Variants in BTBD10 observed in about 807,000 individuals in gnomAD.
BTBD10 encodes the protein BTB domain containing 10.
BTBD10 carries 21 observed loss-of-function variants against 53.2 expected under a neutral mutation model. The observed-to-expected ratio is 0.39, with a 90% CI of 0.28 to 0.57. The LOEUF is 0.57. Among genes scored for constraint, BTBD10 ranks in the 20% least tolerant of loss-of-function variants. BTBD10 has a pLI of 0.53. For missense variants in BTBD10, 360 were observed against 594.7 expected, an observed-to-expected ratio of 0.61 and a Z score of 4.10; for synonymous variants, 149 against 192.7, an observed-to-expected ratio of 0.77 and a Z score of 1.88.
rs550953919 is a variant in BTBD10, at chr11:13,403,619, G to A, written c.1007-341C>T. On this transcript the variant is annotated intron_variant, in intron 7 of 8. Transcript: ENST00000278174. ...AGAATCCAAAGAAGATATCAATATC[G>A]CATCATTATCAAGCAAAGTAAAGGA... Among the ~76,000 whole-genome samples the A allele has an allele frequency of 4.6e-5, 7 of 152,240 alleles. No homozygotes were observed. The East Asian group carries it at 7.7e-4, about 17-fold the overall frequency.
chr11:13,440,598 C>T (rs1320671763), intron 2 of BTBD10, among the ~76,000 whole-genome samples: 2 of 152,164 alleles, frequency 1.3e-5, no homozygotes, highest in African/African-American at 2.4e-5. Flanking sequence ...CAAACTTTTG[C>T]ATTTCTAAAC....
intron 2 of BTBD10, among the ~76,000 whole-genome samples, chr11:13,426,532 G>A (rs1449436065): frequency 6.6e-6 from 1 of 151,956 alleles, no homozygotes; most frequent in Non-Finnish European, 1.5e-5. Flanking sequence ...AATATAATAT[G>A]GGGTTTATAA....
intron 2 of BTBD10, among the ~76,000 whole-genome samples, chr11:13,433,298 A>G (rs1170761144): frequency 1.3e-5 from 2 of 152,196 alleles, no homozygotes; most frequent in Non-Finnish European, 2.9e-5. Context: ...CTTTGCTTAT[A>G]GGCCATAGGC....
intron 8 of BTBD10, among the ~76,000 whole-genome samples, chr11:13,396,039 T>C (rs1024906024): frequency 1.3e-5 from 2 of 151,452 alleles, no homozygotes; most frequent in Non-Finnish European, 3.0e-5. Context: ...TTTGGTTCCA[T>C]ATGAACTTTA....
chr11:13,449,370 T>TC (rs760125348), intron 1 of BTBD10, among the ~76,000 whole-genome samples: 1 of 152,074 alleles, frequency 6.6e-6, no homozygotes, highest in Non-Finnish European at 1.5e-5. Flanking sequence ...CTGTTTCATA[T>TC]ATGAGGAAAT....
chr11:13,414,486 T>C (rs1010234400), intron 5 of BTBD10, among the ~76,000 whole-genome samples: 2 of 151,986 alleles, frequency 1.3e-5, no homozygotes, highest in Admixed American at 6.5e-5. Context: ...AAACCTTCTC[T>C]ACTAAGAATA....
At chr11:13,397,255 C>G (rs958878369) in intron 8 of BTBD10, among the ~76,000 whole-genome samples, 6 of 152,128 alleles carry the variant, frequency 3.9e-5, no homozygotes, top group Non-Finnish European at 7.3e-5. Context: ...CAACTTCTTC[C>G]TGGTTTAGTC....
intron 4 of BTBD10, 60 bp downstream of exon 4, chr11:13,419,400 A>C (rs1950195051): frequency 1.3e-6 from 2 of 1,561,544 alleles, no homozygotes; most frequent in African/African-American, 2.8e-5. Context: ...TTAAACAAAA[A>C]AATAATGGCA....
At chr11:13,433,807 A>G (rs1460962424) in intron 2 of BTBD10, among the ~76,000 whole-genome samples, 2 of 152,180 alleles carry the variant, frequency 1.3e-5, no homozygotes, top group Non-Finnish European at 2.9e-5. Flanking sequence ...AAGTTTGCTG[A>G]CCCCTGTATT....
chr11:13,412,623 T>A (rs1489658262), intron 6 of BTBD10, among the ~76,000 whole-genome samples: 1 of 152,222 alleles, frequency 6.6e-6, no homozygotes, highest in Non-Finnish European at 1.5e-5. Context: ...ATTTTTTGTA[T>A]TACCATGTAG....
chr11:13,416,045 A>G (rs1337854166), intron 5 of BTBD10, among the ~76,000 whole-genome samples: 1 of 152,074 alleles, frequency 6.6e-6, no homozygotes, highest in African/African-American at 2.4e-5. Context: ...AAAACCTCAA[A>G]AAAAAGTTTT....
At chr11:13,426,278 C>T (rs554604515) in intron 2 of BTBD10, among the ~76,000 whole-genome samples, 2 of 151,008 alleles carry the variant, frequency 1.3e-5, no homozygotes, top group African/African-American at 4.9e-5. Context: ...ATTGATTTGT[C>T]GAAAAAAAAT....
intron 2 of BTBD10, among the ~76,000 whole-genome samples, 199 bp from the exon 3 acceptor site, chr11:13,422,037 C>T (rs1228563094): frequency 2.0e-5 from 3 of 152,174 alleles, no homozygotes; most frequent in African/African-American, 7.2e-5. Context: ...AGATCACATA[C>T]TTGAACTCAG....
intron 2 of BTBD10, among the ~76,000 whole-genome samples, chr11:13,436,747 G>C (rs1199869837): frequency 6.6e-6 from 1 of 151,944 alleles, no homozygotes; most frequent in Non-Finnish European, 1.5e-5. Context: ...CTCTTATTAT[G>C]ACATTCCTTA....
At chr11:13,440,036 T>G in intron 2 of BTBD10, 1 of 1,532,792 alleles carries the variant, frequency 6.5e-7, no homozygotes, top group Non-Finnish European at 8.7e-7. Flanking sequence ...ACATCTGATA[T>G]TTCCATCATC....
intron 2 of BTBD10, among the ~76,000 whole-genome samples, chr11:13,433,710 C>T (rs1950496539): frequency 6.6e-6 from 1 of 152,120 alleles, no homozygotes; most frequent in Middle Eastern, 3.2e-3. Flanking sequence ...TGGCTGTTTT[C>T]ATGCTACAAT....
At chr11:13,459,484 G>A (rs1016701868) in intron 1 of BTBD10, among the ~76,000 whole-genome samples, 2 of 152,116 alleles carry the variant, frequency 1.3e-5, no homozygotes, top group African/African-American at 2.4e-5. Flanking sequence ...ATTAAAAAGG[G>A]AGAAAAATTT....
chr11:13,402,121 C>T (rs1216374020), intron 8 of BTBD10, among the ~76,000 whole-genome samples: 1 of 152,140 alleles, frequency 6.6e-6, no homozygotes, highest in Non-Finnish European at 1.5e-5. Context: ...TGAACTAGGA[C>T]ACTAGACCAA....
chr11:13,462,068 C>A (rs1951113472), intron 1 of BTBD10, among the ~76,000 whole-genome samples: 1 of 151,918 alleles, frequency 6.6e-6, no homozygotes, highest in Non-Finnish European at 1.5e-5. Flanking sequence ...TGGACAGGCT[C>A]TCTAATACAG....
Sources: gnomAD v4.1 joint callset for allele counts (sites outside exome capture counted in the v4.1 genomes callset) on GRCh38, gnomAD v4.1.1 for gene constraint, MANE v1.5 for transcripts, NCBI Gene and HGNC (gene_info 2026-07-23, HGNC 2026-07-21) for gene names.